The following GRIA3 variants were observed in gnomAD, a reference collection of about 807,000 sequenced individuals.
GRIA3 encodes glutamate receptor 3.
Under a neutral mutation model 63.0 loss-of-function variants are expected in GRIA3, and 3 were observed. That is an observed-to-expected ratio of 0.05 (90% confidence interval 0.02 to 0.12). The LOEUF is 0.12. GRIA3 is among the 10% of genes least tolerant of loss of function. The pLI is 1.00. For synonymous variants in GRIA3, 274 were observed against 257.9 expected (o/e 1.06, Z -0.60); for missense variants, 347 against 700.9 (o/e 0.50, Z 5.70).
chrX:123,402,515 C>T (rs1372945916), intron 7 of GRIA3, among the ~76,000 whole-genome samples: 14 of 109,707 alleles, frequency 1.3e-4, no homozygotes, highest in African/African-American at 4.7e-4. Flanking sequence ...AAGAACATGC[C>T]GAAGGTCATT....
At chrX:123,407,470 T>C (rs2045480300) in intron 10 of GRIA3, among the ~76,000 whole-genome samples, 1 of 111,001 alleles carries the variant, frequency 9.0e-6, no homozygotes, top group African/African-American at 3.3e-5. Flanking sequence ...TCAAGGGAGA[T>C]TCATTGTCTC....
At chrX:123,203,112 C>T (rs929057635) in intron 2 of GRIA3, among the ~76,000 whole-genome samples, 3 of 111,867 alleles carry the variant, frequency 2.7e-5, no homozygotes, top group Admixed American at 1.9e-4. Flanking sequence ...TGAGGACAAG[C>T]GGATCCTCTG....
In GRIA3 at chrX:123,292,335, G is replaced by C. The variant is rs187570708; in HGVS notation, c.509-33691G>C. Among the ~76,000 whole-genome samples the C allele has an allele frequency of 3.3e-3, 371 of 111,461 alleles. 2 individuals are homozygous for C. The highest frequency in any genetic ancestry group is 0.011 in the African/African-American group (334 of 30,713). On this transcript the variant is annotated intron_variant, in intron 3 of 15. Transcript: ENST00000620443. Reference sequence around the variant, plus strand: ...CTTTTAAAGATGGGCTGCAGAATAGGTTCCAGCTATGGACACCAATACAAT... The same window carrying C: ...CTTTTAAAGATGGGCTGCAGAATAGCTTCCAGCTATGGACACCAATACAAT...
intron 12 of GRIA3, among the ~76,000 whole-genome samples, chrX:123,437,815 G>C (rs1440235495): frequency 9.0e-6 from 1 of 111,660 alleles, no homozygotes; most frequent in African/African-American, 3.3e-5. Context: ...GGTATACTAG[G>C]ACTGGTTAAG....
intron 5 of GRIA3, among the ~76,000 whole-genome samples, chrX:123,368,487 G>A (rs918052229): frequency 1.8e-5 from 2 of 110,895 alleles, no homozygotes; most frequent in Non-Finnish European, 3.8e-5. Flanking sequence ...AGGAAACCAG[G>A]GACTCTAAAT....
chrX:123,450,932 G>C (rs1172325906), intron 12 of GRIA3, among the ~76,000 whole-genome samples: 1 of 112,090 alleles, frequency 8.9e-6, no homozygotes, highest in Non-Finnish European at 1.9e-5. Flanking sequence ...AGATGGAATA[G>C]CGTTAGCAAA....
At chrX:123,360,134 A>C (rs1345654872) in intron 5 of GRIA3, among the ~76,000 whole-genome samples, 1 of 111,270 alleles carries the variant, frequency 9.0e-6, no homozygotes, top group Non-Finnish European at 1.9e-5. Flanking sequence ...ATGGACTCAG[A>C]AAATATATAT....
chrX:123,442,330 T>A (rs976351289), intron 12 of GRIA3, among the ~76,000 whole-genome samples: 1 of 112,286 alleles, frequency 8.9e-6, no homozygotes, highest in African/African-American at 3.2e-5. Flanking sequence ...AGAAGATATG[T>A]AGCAGCAGAA....
At chrX:123,452,703 T>A (rs2045739628) in intron 12 of GRIA3, among the ~76,000 whole-genome samples, 1 of 111,920 alleles carries the variant, frequency 8.9e-6, no homozygotes, top group Admixed American at 9.5e-5. Context: ...TGGTCAATGG[T>A]AATTGGCTTT....
chrX:123,234,450 T>C lies in GRIA3; in HGVS notation c.269-18853T>C, dbSNP rs915946143. 5.3e-5 allele frequency among the ~76,000 whole-genome samples: 6 copies of C among 112,164 alleles called. No individual in the cohort carries two copies. The South Asian group carries it at 1.9e-3, about 35-fold the overall frequency. On this transcript the variant is annotated intron_variant, in intron 2 of 15. Coordinates refer to ENST00000620443, the MANE Select transcript of GRIA3 (RefSeq NM_007325.5). ...CTCTGGAATACTGATGGTATTATTA[T>C]AAGTAGAGTGGCAAAGTGATATGTA... is the stretch of plus-strand genomic sequence containing the variant.
chrX:123,189,862 A>C (rs1049026814), intron 2 of GRIA3, among the ~76,000 whole-genome samples: 1 of 110,989 alleles, frequency 9.0e-6, no homozygotes, highest in Non-Finnish European at 1.9e-5. Context: ...TATTCCATTA[A>C]TTTTTTTCAA....
intron 15 of GRIA3, among the ~76,000 whole-genome samples, chrX:123,484,329 T>A (rs775918230): frequency 3.5e-5 from 4 of 112,702 alleles, no homozygotes; most frequent in Non-Finnish European, 7.5e-5. Flanking sequence ...CTATCTGAAG[T>A]GGAACAGAAC....
chrX:123,314,904 G>A (rs991984531), intron 3 of GRIA3, among the ~76,000 whole-genome samples: 6 of 111,694 alleles, frequency 5.4e-5, no homozygotes, highest in Non-Finnish European at 7.5e-5. Flanking sequence ...AATCACTTAC[G>A]GCTGTCTACA....
chrX:123,282,677 G>T (rs1477222455), intron 3 of GRIA3, among the ~76,000 whole-genome samples: 1 of 112,602 alleles, frequency 8.9e-6, no homozygotes, highest in Non-Finnish European at 1.9e-5. Flanking sequence ...AGGCCAAGGT[G>T]GGCAGATCAC....
chrX:123,412,976 G>C (rs1413690457), intron 10 of GRIA3, among the ~76,000 whole-genome samples: 1 of 111,599 alleles, frequency 9.0e-6, no homozygotes, highest in East Asian at 2.8e-4. Context: ...CAGTGCCTAA[G>C]GGAAGCAGAT....
At chrX:123,474,031 T>A (rs1176706729) in intron 13 of GRIA3, among the ~76,000 whole-genome samples, 1 of 112,193 alleles carries the variant, frequency 8.9e-6, no homozygotes, top group Admixed American at 9.5e-5. Context: ...GTAGTATATA[T>A]CCCATAGTAT....
At chrX:123,236,310 CAT>C (rs1434497932) in intron 2 of GRIA3, among the ~76,000 whole-genome samples, 1 of 111,312 alleles carries the variant, frequency 9.0e-6, no homozygotes, top group East Asian at 2.8e-4. Context: ...GCAAGACAGT[CAT>C]AGAGTCACTG....
intron 2 of GRIA3, among the ~76,000 whole-genome samples, chrX:123,226,695 G>A (rs779475854): frequency 1.8e-5 from 2 of 111,556 alleles, no homozygotes; most frequent in Non-Finnish European, 1.9e-5. Context: ...ATTCCCTAAT[G>A]ATAATAACCT....
chrX:123,484,968 C>T (rs751774713), intron 15 of GRIA3, among the ~76,000 whole-genome samples: 6 of 112,749 alleles, frequency 5.3e-5, no homozygotes, highest in East Asian at 5.6e-4. Flanking sequence ...TGCACCAATC[C>T]GCTGACAGTG....
Sources: gnomAD v4.1 joint callset for allele counts (sites outside exome capture counted in the v4.1 genomes callset) on GRCh38, gnomAD v4.1.1 for gene constraint, MANE v1.5 for transcripts, NCBI Gene and HGNC (gene_info 2026-07-23, HGNC 2026-07-21) for gene names.